SUCLG2: variants seen among roughly 807,000 people sequenced by gnomAD.
The protein encoded by SUCLG2 is succinate--CoA ligase [GDP-forming] subunit beta, mitochondrial.
Under a neutral mutation model 47.9 loss-of-function variants are expected in SUCLG2, and 42 were observed. The observed-to-expected ratio is 0.88, with a 90% CI of 0.69 to 1.14. The LOEUF is 1.14. SUCLG2 is among the 50% of genes most tolerant of loss of function. SUCLG2 has a pLI of 0.00. For missense variants in SUCLG2, 571 were observed against 525.9 expected (o/e 1.09, Z -0.84); for synonymous variants, 195 against 197.3 (o/e 0.99, Z 0.10).
chr3:67,540,414 A>G (rs1338381802), intron 2 of SUCLG2, among the ~76,000 whole-genome samples: 1 of 152,096 alleles, frequency 6.6e-6, no homozygotes, highest in Admixed American at 6.5e-5. Flanking sequence ...CCCTAGTAGT[A>G]TAAACAAAGC....
chr3:67,394,270 T>C (rs1226598829), intron 10 of SUCLG2, among the ~76,000 whole-genome samples: 3 of 151,870 alleles, frequency 2.0e-5, no homozygotes, highest in Admixed American at 1.3e-4. Context: ...GTTAAAAACT[T>C]TGAAAAAAAT....
chr3:67,372,291 A>G (rs1701965860), downstream of SUCLG2, among the ~76,000 whole-genome samples: 1 of 152,204 alleles, frequency 6.6e-6, no homozygotes, highest in Non-Finnish European at 1.5e-5. Flanking sequence ...ATTAACTACG[A>G]AACTCAAGAG....
At chr3:67,464,307 C>T (rs1704414161) in intron 9 of SUCLG2, among the ~76,000 whole-genome samples, 1 of 152,182 alleles carries the variant, frequency 6.6e-6, no homozygotes, top group Non-Finnish European at 1.5e-5. Flanking sequence ...ATTCACAGCT[C>T]TAAGAAAGTA....
chr3:67,652,173 A>AC (rs1701297392), intron 1 of SUCLG2, among the ~76,000 whole-genome samples: 1 of 142,422 alleles, frequency 7.0e-6, no homozygotes, highest in African/African-American at 2.6e-5. Context: ...AAAAAAAAAA[A>AC]AACTTCAATG....
At chr3:67,380,307 T>C (rs905232956) in intron 10 of SUCLG2, among the ~76,000 whole-genome samples, 2 of 152,022 alleles carry the variant, frequency 1.3e-5, no homozygotes, top group African/African-American at 4.8e-5. Flanking sequence ...TCTCCCAACC[T>C]GTAGCAGCTT....
chr3:67,594,538 T>C (rs1708249800), intron 2 of SUCLG2, among the ~76,000 whole-genome samples: 1 of 152,210 alleles, frequency 6.6e-6, no homozygotes, highest in South Asian at 2.1e-4. Flanking sequence ...AGAGAAGCCT[T>C]CCTTGACTAT....
Position 67,485,911 on chromosome 3 carries a change from A to G in SUCLG2, c.1062+9887T>C, listed in dbSNP as rs1226070150. Among the ~76,000 whole-genome samples, 5 of 152,364 alleles carry G rather than the reference A, an allele frequency of 3.3e-5. No homozygotes were observed. The East Asian group carries it at 9.6e-4, about 29-fold the overall frequency. ...AATCAAATCCTTCCTTTAGGGGAAC[A>G]AGTAAACTATGATAAGAAAAGTTTT... On this transcript the variant is annotated intron_variant, in intron 9 of 10. Coordinates refer to ENST00000307227, the MANE Select transcript of SUCLG2 (RefSeq NM_003848.4).
At chr3:67,608,675 ATTT>A (rs5849769) in intron 2 of SUCLG2, among the ~76,000 whole-genome samples, 5 of 145,960 alleles carry the variant, frequency 3.4e-5, no homozygotes, top group Non-Finnish European at 3.0e-5. Context: ...TGTTGTTCTA[ATTT>A]TTTTTTTTTT....
chr3:67,508,430 A>C (rs1259038184), intron 7 of SUCLG2, among the ~76,000 whole-genome samples: 1 of 151,784 alleles, frequency 6.6e-6, no homozygotes, highest in Non-Finnish European at 1.5e-5. Flanking sequence ...TTTATTATTT[A>C]TTATTATTAT....
Position 67,634,483 on chromosome 3 carries a change from A to G in SUCLG2, c.84+20020T>C, listed in dbSNP as rs1281239667. ...AATTCTGGTGCAAACAAAGTCAACT[A>G]TTAGTTATCTTATAAAGTTTATTTT... On this transcript the variant is annotated intron_variant, in intron 1 of 10. Transcript: ENST00000307227. Among the ~76,000 whole-genome samples, 3 of 152,200 alleles carry G rather than the reference A, an allele frequency of 2.0e-5. 1 individual carries two copies. The highest frequency in any genetic ancestry group is 4.4e-5 in the Non-Finnish European group (3 of 68,030).
At chr3:67,465,464 A>C (rs933962344) in intron 9 of SUCLG2, among the ~76,000 whole-genome samples, 2 of 152,036 alleles carry the variant, frequency 1.3e-5, no homozygotes, top group African/African-American at 4.8e-5. Context: ...CTCAAATGTC[A>C]CCTCCTCAGA....
At chr3:67,476,030 T>C (rs1278602099) in intron 9 of SUCLG2, among the ~76,000 whole-genome samples, 1 of 150,592 alleles carries the variant, frequency 6.6e-6, no homozygotes, top group Middle Eastern at 3.2e-3. Flanking sequence ...TAATTTTGCC[T>C]ATCAATTTAA....
At chr3:67,444,126 G>T (rs1375068566) in intron 9 of SUCLG2, among the ~76,000 whole-genome samples, 8 of 76,952 alleles carry the variant, frequency 1.0e-4, no homozygotes, top group African/African-American at 3.4e-4. Context: ...TCAGCCCCCC[G>T]CCTGGCCAGC....
intron 1 of SUCLG2, among the ~76,000 whole-genome samples, chr3:67,613,737 A>T (rs1700574361): frequency 1.3e-5 from 2 of 152,216 alleles, no homozygotes; most frequent in Admixed American, 1.3e-4. Context: ...GCCATGTTAC[A>T]AATTAGGAAA....
chr3:67,513,545 T>C (rs1192190038), intron 6 of SUCLG2, among the ~76,000 whole-genome samples: 6 of 152,162 alleles, frequency 3.9e-5, no homozygotes, highest in African/African-American at 1.4e-4. Flanking sequence ...ACTAAATGGT[T>C]ATAAGGGCTA....
chr3:67,643,375 G>A (rs755074006), intron 1 of SUCLG2, among the ~76,000 whole-genome samples: 6 of 152,042 alleles, frequency 3.9e-5, no homozygotes, highest in Admixed American at 6.5e-5. Flanking sequence ...TAATATTAGC[G>A]GTGTTTTTGG....
Position 67,495,888 on chromosome 3 carries a change from A to G in SUCLG2, c.972T>C (p.Gly324=), listed in dbSNP as rs775318124. ...MATCDIIFLN[G]GKPANFLDLG... Reference sequence around the variant, plus strand: ...GATCCAAGAAGTTGGCTGGCTTCCCACCATTAAGGAAAATGATATCACAAG... The same window carrying G: ...GATCCAAGAAGTTGGCTGGCTTCCCGCCATTAAGGAAAATGATATCACAAG... The change falls in exon 9 of 11, where the codon GGT becomes GGC. Residue 324 remains glycine (G), a synonymous_variant. Transcript: ENST00000307227. The G allele has an allele frequency of 1.9e-6, 3 of 1,614,082 alleles. No homozygotes were observed. The South Asian group carries it at 3.3e-5, about 18-fold the overall frequency.
intron 9 of SUCLG2, among the ~76,000 whole-genome samples, chr3:67,425,933 C>G (rs1051292928): frequency 6.6e-6 from 1 of 152,102 alleles, no homozygotes; most frequent in African/African-American, 2.4e-5. Flanking sequence ...TTACTATAAG[C>G]TCAAAAGGAT....
In SUCLG2 at chr3:67,652,729, C is replaced by T. The variant is rs545109412; in HGVS notation, c.84+1774G>A. ...AGGAAACAGCATGGTGTAACGGAAACGTAAAGGTAAGCCTTTACTCTGGAA... is the reference window on the plus strand; with the variant it reads ...AGGAAACAGCATGGTGTAACGGAAATGTAAAGGTAAGCCTTTACTCTGGAA... On this transcript the variant is annotated intron_variant, in intron 1 of 10. Transcript: ENST00000307227. Among the ~76,000 whole-genome samples the T allele has an allele frequency of 7.2e-5, 11 of 152,194 alleles. No individual in the cohort carries two copies. In the South Asian group the frequency reaches 1.7e-3, roughly 23 times the overall value.
Sources: allele counts gnomAD v4.1 joint callset (sites outside exome capture counted in the v4.1 genomes callset), GRCh38; gene constraint gnomAD v4.1.1; transcripts MANE v1.5; gene names NCBI Gene and HGNC (gene_info 2026-07-23, HGNC 2026-07-21).